The following TAFA2 variants were observed in gnomAD, a reference collection of about 807,000 sequenced individuals.
The protein encoded by TAFA2 is chemokine-like protein TAFA-2.
TAFA2 carries 7 observed loss-of-function variants against 18.8 expected under a neutral mutation model. That is an observed-to-expected ratio of 0.37 (90% CI 0.21 to 0.70). The LOEUF (loss-of-function observed/expected upper bound fraction) is 0.70, where lower values mean the gene tolerates loss of function less well. Among genes scored for constraint, TAFA2 ranks in the 30% least tolerant of loss-of-function variants. The pLI is 0.53. For missense variants in TAFA2, 122 were observed against 158.1 expected, an observed-to-expected ratio of 0.77 and a Z score of 1.23; for synonymous variants, 60 against 54.2, an observed-to-expected ratio of 1.11 and a Z score of -0.47.
At chr12:62,007,440 T>C (rs1254980125) in intron 1 of TAFA2, among the ~76,000 whole-genome samples, 5 of 152,220 alleles carry the variant, frequency 3.3e-5, no homozygotes, top group South Asian at 2.1e-4. Flanking sequence ...ACTTAACTTA[T>C]GTGGTTCACT....
At chr12:62,217,962 GTATGTATTTATTTATTTATTTATT>G (rs1012935339) in intron 1 of TAFA2, among the ~76,000 whole-genome samples, 3 of 131,632 alleles carry the variant, frequency 2.3e-5, no homozygotes, top group African/African-American at 9.7e-5. Context: ...CTATTTTTAT[GTATGTATTTATTTATTTATTTATT>G]TATTTATTTA....
At chr12:62,010,445 C>T (rs561832228) in intron 1 of TAFA2, among the ~76,000 whole-genome samples, 7 of 152,286 alleles carry the variant, frequency 4.6e-5, no homozygotes, top group South Asian at 2.1e-4. Flanking sequence ...GACGGAGTCT[C>T]GCTCACTCAA....
At chr12:61,968,758 C>T (rs1879149324) in intron 1 of TAFA2, among the ~76,000 whole-genome samples, 1 of 151,616 alleles carries the variant, frequency 6.6e-6, no homozygotes, top group Non-Finnish European at 1.5e-5. Flanking sequence ...CAATCAATCA[C>T]ATTAGGAAAC....
chr12:61,896,736 G>A (rs1467953827), intron 1 of TAFA2, among the ~76,000 whole-genome samples: 2 of 152,170 alleles, frequency 1.3e-5, no homozygotes, highest in Non-Finnish European at 2.9e-5. Context: ...AGAGGGCTCA[G>A]CAGGCACTGA....
At chr12:61,993,655 C>T (rs1378248857) in intron 1 of TAFA2, among the ~76,000 whole-genome samples, 1 of 152,186 alleles carries the variant, frequency 6.6e-6, no homozygotes, top group Non-Finnish European at 1.5e-5. Context: ...AGACTAAAGT[C>T]TCATAGATCA....
chr12:61,854,420 G>A (rs559543784), intron 2 of TAFA2, among the ~76,000 whole-genome samples: 1 of 151,980 alleles, frequency 6.6e-6, no homozygotes, highest in Non-Finnish European at 1.5e-5. Flanking sequence ...AAACAGAGAG[G>A]GGGGAAGATC....
Position 61,808,964 on chromosome 12 carries a change from C to T in TAFA2, c.107-53940G>A, listed in dbSNP as rs913354771. 3.5e-4 allele frequency among the ~76,000 whole-genome samples: 53 copies of T among 151,470 alleles called. 1 individual carries two copies. Among genetic ancestry groups the T allele is most frequent in the African/African-American group, 1.2e-3 (50 of 40,770 alleles). On this transcript the variant is annotated intron_variant, in intron 2 of 4. Coordinates refer to ENST00000416284, the MANE Select transcript of TAFA2 (RefSeq NM_178539.5). ...GGTGACTGCTGTAATAACACCTAAG[C>T]GAATGTGACTCATCTATTGTCCATA...
chr12:61,777,238 A>G (rs1256075553), intron 2 of TAFA2, among the ~76,000 whole-genome samples: 11 of 151,888 alleles, frequency 7.2e-5, no homozygotes, highest in African/African-American at 2.7e-4. Flanking sequence ...ACAGATGCCA[A>G]CTGTGTGGCT....
Position 61,844,349 on chromosome 12 carries a change from C to G in TAFA2, c.106+22971G>C, listed in dbSNP as rs373323919. Among the ~76,000 whole-genome samples, 6 of 152,018 alleles carry G rather than the reference C, an allele frequency of 3.9e-5. No individual in the cohort carries two copies. The East Asian group carries it at 1.2e-3, about 29-fold the overall frequency. The stretch of plus-strand genomic sequence containing the variant: ...ACTGAAATCTGTTCAAGTATAAATT[C>G]AATATTTCAATACTCAGAACTGAAT... On this transcript the variant is annotated intron_variant, in intron 2 of 4. Transcript: ENST00000416284.
intron 1 of TAFA2, among the ~76,000 whole-genome samples, chr12:61,967,578 A>T (rs1295307412): frequency 1.4e-4 from 21 of 151,870 alleles, no homozygotes; most frequent in Non-Finnish European, 2.8e-4. Context: ...GGCACTGTTC[A>T]TTCAATCTAT....
At chr12:61,905,601 CA>C (rs1876313244) in intron 1 of TAFA2, among the ~76,000 whole-genome samples, 1 of 152,082 alleles carries the variant, frequency 6.6e-6, no homozygotes, top group African/African-American at 2.4e-5. Flanking sequence ...CAGATAATCT[CA>C]ATATCACCAG....
intron 1 of TAFA2, chr12:61,879,905 C>A: frequency 1.1e-6 from 1 of 915,798 alleles, no homozygotes; most frequent in Non-Finnish European, 1.8e-6. Context: ...TGAATTTGTC[C>A]TCATCGAGAA....
intron 1 of TAFA2, among the ~76,000 whole-genome samples, chr12:61,921,295 G>A (rs758352153): frequency 6.6e-5 from 10 of 152,208 alleles, no homozygotes; most frequent in Non-Finnish European, 1.5e-4. Flanking sequence ...CCAGGTAAGA[G>A]ATATTGCTGG....
chr12:61,928,323 CAAAT>C (rs1208765899), intron 1 of TAFA2, among the ~76,000 whole-genome samples: 1 of 151,862 alleles, frequency 6.6e-6, no homozygotes, highest in African/African-American at 2.4e-5. Context: ...AACAAACAAA[CAAAT>C]AAACAACCCT....
intron 1 of TAFA2, among the ~76,000 whole-genome samples, chr12:62,241,965 G>A (rs988933094): frequency 3.9e-5 from 6 of 152,190 alleles, no homozygotes; most frequent in Non-Finnish European, 8.8e-5. Context: ...CATAGATGAA[G>A]ATAGTTAAGA....
intron 4 of TAFA2, among the ~76,000 whole-genome samples, chr12:61,726,599 T>A (rs1870178077): frequency 6.6e-6 from 1 of 152,124 alleles, no homozygotes; most frequent in Non-Finnish European, 1.5e-5. Context: ...CCTGAAACTT[T>A]ACTGAGTTCA....
intron 1 of TAFA2, among the ~76,000 whole-genome samples, chr12:61,873,907 C>T (rs527920133): frequency 6.6e-6 from 1 of 152,142 alleles, no homozygotes; most frequent in East Asian, 1.9e-4. Flanking sequence ...ACAAGAGACT[C>T]ATGTAAGTTG....
At chr12:61,810,155 T>C (rs773676930) in intron 2 of TAFA2, among the ~76,000 whole-genome samples, 1 of 151,494 alleles carries the variant, frequency 6.6e-6, no homozygotes, top group Non-Finnish European at 1.5e-5. Flanking sequence ...TACTGATAAA[T>C]GCATACCATA....
intron 1 of TAFA2, chr12:61,880,621 C>A: frequency 4.9e-6 from 2 of 412,130 alleles, no homozygotes; most frequent in Admixed American, 2.8e-5. Flanking sequence ...TCACAAGCCC[C>A]CCTCCTCAGC....
Sources: allele counts gnomAD v4.1 joint callset (sites outside exome capture counted in the v4.1 genomes callset), GRCh38; gene constraint gnomAD v4.1.1; transcripts MANE v1.5; gene names NCBI Gene and HGNC (gene_info 2026-07-23, HGNC 2026-07-21).